The following P2RY12 variants were observed in gnomAD, a reference collection of about 807,000 sequenced individuals.
P2RY12 encodes the protein P2Y purinoceptor 12.
P2RY12 carries 3 observed loss-of-function variants against 4.5 expected under a neutral mutation model. The ratio of observed to expected loss-of-function variants is 0.67; its 90% CI spans 0.31 to 1.74. The LOEUF (loss-of-function observed/expected upper bound fraction) is 1.74. P2RY12 is among the 40% of genes most tolerant of loss of function. The pLI, the probability that P2RY12 is intolerant of heterozygous loss-of-function variation, is 0.09. For synonymous variants in P2RY12, 148 were observed against 154.1 expected (o/e 0.96, Z 0.29); for missense variants, 356 against 407.8 (o/e 0.87, Z 1.09).
chr3:151,381,971 G>GT (rs1173825717), intron 1 of P2RY12, among the ~76,000 whole-genome samples: 3 of 152,108 alleles, frequency 2.0e-5, no homozygotes, highest in Non-Finnish European at 4.4e-5. Context: ...TTTGTTAGTG[G>GT]TTTTTTGTTT....
At chr3:151,350,618 T>C (rs1753104933) in intron 1 of P2RY12, among the ~76,000 whole-genome samples, 1 of 152,266 alleles carries the variant, frequency 6.6e-6, no homozygotes, top group South Asian at 2.1e-4. Flanking sequence ...TAGTTTTTTT[T>C]CTGGGGCACT....
intron 1 of P2RY12, among the ~76,000 whole-genome samples, chr3:151,342,978 T>C (rs1472630051): frequency 6.6e-6 from 1 of 152,144 alleles, no homozygotes; most frequent in African/African-American, 2.4e-5. Context: ...TGAAGTTAGA[T>C]GGAGACCCCA....
intron 1 of P2RY12, among the ~76,000 whole-genome samples, chr3:151,366,331 T>C (rs1255784971): frequency 6.6e-6 from 1 of 152,194 alleles, no homozygotes; most frequent in East Asian, 1.9e-4. Context: ...CCTCACAGCA[T>C]GGGACATAAT....
intron 1 of P2RY12, among the ~76,000 whole-genome samples, chr3:151,358,478 CT>C (rs1754207970): frequency 6.6e-6 from 1 of 152,096 alleles, no homozygotes; most frequent in Non-Finnish European, 1.5e-5. Flanking sequence ...CTTATTCATG[CT>C]GTTTAATCTA....
At chr3:151,352,170 T>C (rs1346214514) in intron 1 of P2RY12, among the ~76,000 whole-genome samples, 1 of 152,232 alleles carries the variant, frequency 6.6e-6, no homozygotes, top group Non-Finnish European at 1.5e-5. Context: ...TTGGGGATGC[T>C]TAATAAACTG....
chr3:151,373,330 G>C (rs936220166), intron 1 of P2RY12, among the ~76,000 whole-genome samples: 1 of 152,142 alleles, frequency 6.6e-6, no homozygotes, highest in Non-Finnish European at 1.5e-5. Flanking sequence ...TGCACCTCAA[G>C]GGTGATGTTA....
intron 1 of P2RY12, chr3:151,380,272 A>G (rs775697088): frequency 2.4e-6 from 3 of 1,276,192 alleles, no homozygotes; most frequent in African/African-American, 3.0e-5. Flanking sequence ...TTCTAACGGC[A>G]TTCATTTATT....
intron 1 of P2RY12, chr3:151,369,469 A>G: frequency 6.2e-7 from 1 of 1,610,904 alleles, no homozygotes; most frequent in Non-Finnish European, 8.5e-7. Flanking sequence ...TCATCTTGTG[A>G]TAGACACCTC....
intron 1 of P2RY12, among the ~76,000 whole-genome samples, chr3:151,361,895 G>C (rs1317386921): frequency 6.6e-6 from 1 of 151,966 alleles, no homozygotes; most frequent in African/African-American, 2.4e-5. Flanking sequence ...GCAGCACTAG[G>C]GCTGGAAAGT....
chr3:151,363,066 A>G (rs1754812959), intron 1 of P2RY12, among the ~76,000 whole-genome samples: 2 of 152,122 alleles, frequency 1.3e-5, no homozygotes, highest in African/African-American at 4.8e-5. Context: ...CAAATAGGTT[A>G]AATGAGGTAA....
intron 1 of P2RY12, among the ~76,000 whole-genome samples, chr3:151,373,884 C>T (rs1179576673): frequency 1.3e-5 from 2 of 152,104 alleles, no homozygotes; most frequent in Non-Finnish European, 2.9e-5. Context: ...ACTGAGAAAC[C>T]AAGATCTGGG....
intron 1 of P2RY12, chr3:151,376,353 T>C (rs1371872151): frequency 4.5e-6 from 3 of 671,236 alleles, no homozygotes; most frequent in East Asian, 3.1e-5. Flanking sequence ...TTCTGTGGAA[T>C]TGACATACTT....
Position 151,338,679 on chromosome 3 carries a change from T to A in P2RY12, c.167A>T (p.Lys56Ile), listed in dbSNP as rs780489513. ...AMRIFFQIRSKSNFIIFLKNT... is the reference protein window; with the variant it reads ...AMRIFFQIRSISNFIIFLKNT... Reference sequence around the variant, plus strand: ...CTTAAGAAAAATAATAAAGTTTGATTTACTCCGGATTTGAAAGAAAATCCT... The same window carrying A: ...CTTAAGAAAAATAATAAAGTTTGATATACTCCGGATTTGAAAGAAAATCCT... Residue 56 changes from lysine (K) to isoleucine (I), a missense_variant, in exon 3 of 3, where the codon AAA becomes ATA. Transcript: ENST00000302632. 1 of 1,613,636 alleles carries A rather than the reference T, an allele frequency of 6.2e-7. No homozygotes were observed. Among genetic ancestry groups the A allele is most frequent in the South Asian group, 1.1e-5 (1 of 91,044 alleles).
chr3:151,350,205 G>A, intron 1 of P2RY12: 1 of 1,612,814 alleles, frequency 6.2e-7, no homozygotes, highest in Non-Finnish European at 8.5e-7. Flanking sequence ...CAGAGACAGG[G>A]GGTAAAGAAC....
At chr3:151,360,727 A>T in intron 1 of P2RY12, 2 of 840,392 alleles carry the variant, frequency 2.4e-6, no homozygotes, top group South Asian at 3.5e-5. Context: ...ATTAGGCAGT[A>T]ATTTTGATAT....
intron 1 of P2RY12, chr3:151,365,275 A>G: frequency 7.7e-7 from 1 of 1,300,342 alleles, no homozygotes; most frequent in Non-Finnish European, 1.1e-6. Context: ...TTTGAAATTG[A>G]TGTCGTTAGT....
chr3:151,376,324 A>G (rs1756849702), intron 1 of P2RY12: 1 of 877,780 alleles, frequency 1.1e-6, no homozygotes, highest in South Asian at 3.1e-5. Context: ...TTCAATTCTG[A>G]TTTTTATTCC....
intron 1 of P2RY12, among the ~76,000 whole-genome samples, chr3:151,367,151 A>G (rs1407558496): frequency 6.6e-6 from 1 of 152,144 alleles, no homozygotes; most frequent in African/African-American, 2.4e-5. Context: ...AGTCAATTGG[A>G]AACTTTCAGA....
chr3:151,346,987 A>G (rs1752626137), intron 1 of P2RY12, among the ~76,000 whole-genome samples: 1 of 152,312 alleles, frequency 6.6e-6, no homozygotes, highest in South Asian at 2.1e-4. Flanking sequence ...ATTTATTAGT[A>G]TACATTATAA....
Sources: allele counts gnomAD v4.1 joint callset (sites outside exome capture counted in the v4.1 genomes callset), GRCh38; gene constraint gnomAD v4.1.1; transcripts MANE v1.5; gene names NCBI Gene and HGNC (gene_info 2026-07-23, HGNC 2026-07-21).